The following DNAJC6 variants were observed in gnomAD, a reference collection of about 807,000 sequenced individuals.
DNAJC6 encodes the protein auxilin.
DNAJC6 carries 34 observed loss-of-function variants against 110.0 expected under a neutral mutation model. The ratio of observed to expected loss-of-function variants is 0.31; its 90% CI spans 0.24 to 0.41. The LOEUF (loss-of-function observed/expected upper bound fraction) is 0.41, where lower values mean the gene tolerates loss of function less well. DNAJC6 is among the 10% of genes least tolerant of loss of function. The pLI, the probability that DNAJC6 is intolerant of heterozygous loss-of-function variation, is 1.00. For synonymous variants in DNAJC6, 406 were observed against 437.2 expected, an observed-to-expected ratio of 0.93 and a Z score of 0.89; for missense variants, 1,031 against 1,207.8, an observed-to-expected ratio of 0.85 and a Z score of 2.17.
chr1:65,409,593 A>G (rs1490347411), intron 17 of DNAJC6, among the ~76,000 whole-genome samples: 1 of 152,090 alleles, frequency 6.6e-6, no homozygotes, highest in African/African-American at 2.4e-5. Context: ...AACCAGATTG[A>G]CTGAAGCCCC....
At chr1:65,383,937 C>T (rs1570356101) in intron 5 of DNAJC6, 1 of 320,726 alleles carries the variant, frequency 3.1e-6, no homozygotes. Context: ...TTATTTTTCA[C>T]CAAATATATA....
At chr1:65,309,027 G>T (rs763582096), upstream of DNAJC6, among the ~76,000 whole-genome samples, 34 of 152,236 alleles carry the variant, frequency 2.2e-4, no homozygotes, top group Admixed American at 6.5e-5. Context: ...TTCTTTTTCT[G>T]TTGAATTGAG....
At chr1:65,404,939 C>G (rs1195652504) in intron 15 of DNAJC6, among the ~76,000 whole-genome samples, 1 of 152,098 alleles carries the variant, frequency 6.6e-6, no homozygotes, top group Non-Finnish European at 1.5e-5. Flanking sequence ...TTGTGTAGAT[C>G]TGAGCAGTAA....
intron 11 of DNAJC6, 93 bp from the exon 12 acceptor site, chr1:65,392,338 C>G: frequency 8.2e-7 from 1 of 1,226,360 alleles, no homozygotes. Flanking sequence ...CTGAATCCTT[C>G]TGTCTTTCTG....
At chr1:65,271,994 G>A (rs903895904) in intron 1 of DNAJC6, among the ~76,000 whole-genome samples, 1 of 152,034 alleles carries the variant, frequency 6.6e-6, no homozygotes, top group Admixed American at 6.5e-5. Context: ...TATGTAGACC[G>A]TTTATTTTTC....
chr1:65,390,436 A>G (rs1241587428), intron 11 of DNAJC6, among the ~76,000 whole-genome samples: 1 of 152,218 alleles, frequency 6.6e-6, no homozygotes, highest in Non-Finnish European at 1.5e-5. Flanking sequence ...GGGCTCGATT[A>G]CTAGGTTCTT....
At chr1:65,267,431 C>T (rs1054774993) in intron 1 of DNAJC6, among the ~76,000 whole-genome samples, 2 of 152,098 alleles carry the variant, frequency 1.3e-5, no homozygotes, top group Admixed American at 1.3e-4. Context: ...CATTTTAGAT[C>T]GATGAAATAG....
intron 13 of DNAJC6, among the ~76,000 whole-genome samples, chr1:65,397,105 T>C (rs943586477): frequency 3.9e-5 from 6 of 152,198 alleles, no homozygotes; most frequent in African/African-American, 1.4e-4. Context: ...CTCCTTTGTT[T>C]TGTGGTTACA....
At chr1:65,382,573 A>G (rs1645831768) in intron 5 of DNAJC6, among the ~76,000 whole-genome samples, 1 of 152,238 alleles carries the variant, frequency 6.6e-6, no homozygotes, top group African/African-American at 2.4e-5. Context: ...AAAGTCCTGA[A>G]TTCTGGTTTT....
rs58676219 is a variant in DNAJC6, at chr1:65,389,048, T to G, written c.1194-208T>G. Among the ~76,000 whole-genome samples the G allele has an allele frequency of 3.1e-3, 475 of 152,316 alleles. 3 individuals carry two copies. The highest frequency in any genetic ancestry group is 0.011 in the African/African-American group (461 of 41,574). ...TTTTACATGCAGTAGCATTCAAATT[T>G]GTTGAGCAGGCATTATTCTCCTCTT... is the stretch of plus-strand genomic sequence containing the variant. On this transcript the variant is annotated intron_variant, in intron 9 of 18. Transcript: ENST00000371069.
intron 1 of DNAJC6, among the ~76,000 whole-genome samples, chr1:65,291,658 A>G (rs1484422731): frequency 6.6e-6 from 1 of 152,212 alleles, no homozygotes; most frequent in Non-Finnish European, 1.5e-5. Flanking sequence ...AAAAAGGAGA[A>G]GGTGAGGAAG....
intron 1 of DNAJC6, among the ~76,000 whole-genome samples, chr1:65,360,326 G>C (rs1463285065): frequency 6.6e-6 from 1 of 152,204 alleles, no homozygotes; most frequent in Non-Finnish European, 1.5e-5. Context: ...AAGTTGTTCT[G>C]ATTTCTGCAG....
intron 1 of DNAJC6, among the ~76,000 whole-genome samples, chr1:65,339,906 A>G (rs1340532061): frequency 1.3e-5 from 2 of 152,220 alleles, no homozygotes; most frequent in Non-Finnish European, 2.9e-5. Flanking sequence ...AGTGGCAGCC[A>G]AATACTTCGA....
At chr1:65,391,126 T>C (rs1645921856) in intron 11 of DNAJC6, among the ~76,000 whole-genome samples, 1 of 152,180 alleles carries the variant, frequency 6.6e-6, no homozygotes, top group South Asian at 2.1e-4. Flanking sequence ...AAGTGATATC[T>C]CAGATAATAA....
At chr1:65,350,222 TTC>T (rs1388737484) in intron 1 of DNAJC6, among the ~76,000 whole-genome samples, 2 of 152,214 alleles carry the variant, frequency 1.3e-5, no homozygotes, top group African/African-American at 4.8e-5. Context: ...TGTTTTTAAT[TTC>T]TGTCGACCTG....
In DNAJC6 at chr1:65,396,911, A is replaced by G. The variant is rs761403120; in HGVS notation, c.2038+1879A>G. Among the ~76,000 whole-genome samples, 5 of 152,192 alleles carry G rather than the reference A, an allele frequency of 3.3e-5. 1 individual carries two copies. The highest frequency in any genetic ancestry group is 2.6e-4 in the Admixed American group (4 of 15,276). On this transcript the variant is annotated intron_variant, in intron 13 of 18. Coordinates refer to ENST00000371069, the MANE Select transcript of DNAJC6 (RefSeq NM_001256864.2). ...TTCTTTGATGCACAGTGATAGTGTC[A>G]TAAGGCTATATGTTTTCCTGATTTT...
At chr1:65,374,480 G>C (rs530661968) in intron 4 of DNAJC6, among the ~76,000 whole-genome samples, 12 of 149,302 alleles carry the variant, frequency 8.0e-5, no homozygotes, top group African/African-American at 2.7e-4. Flanking sequence ...AGTTCTTCTT[G>C]TGTAGATCTT....
At chr1:65,393,092 ACT>A (rs747891475) in intron 12 of DNAJC6, among the ~76,000 whole-genome samples, 1 of 151,994 alleles carries the variant, frequency 6.6e-6, no homozygotes, top group African/African-American at 2.4e-5. Context: ...TGAGCTTCAC[ACT>A]CTTACTTCTA....
intron 9 of DNAJC6, 33 bp from the exon 10 acceptor site, chr1:65,389,223 C>G (rs761746607): frequency 1.9e-6 from 3 of 1,585,620 alleles, no homozygotes. Context: ...CATTGTTTTT[C>G]ACTGAATTTA....
Sources: gnomAD v4.1 joint callset for allele counts (sites outside exome capture counted in the v4.1 genomes callset) on GRCh38, gnomAD v4.1.1 for gene constraint, MANE v1.5 for transcripts, NCBI Gene and HGNC (gene_info 2026-07-23, HGNC 2026-07-21) for gene names.